OR5D13: variants seen among roughly 807,000 people sequenced by gnomAD.
OR5D13 encodes olfactory receptor family 5 subfamily D member 13.
For synonymous variants in OR5D13, 192 were observed against 134.3 expected, an observed-to-expected ratio of 1.43 and a Z score of -2.97; for missense variants, 470 against 372.1, an observed-to-expected ratio of 1.26 and a Z score of -2.16.
Position 55,773,753 on chromosome 11 carries a change from G to A in OR5D13, c.316G>A (p.Ala106Thr). Residue 106 changes from alanine (A) to threonine (T), a missense_variant, in exon 1 of 1, where the codon GCT becomes ACT. Ala to Thr is a moderately conservative substitution (Grantham distance 58). Transcript: ENST00000623930. ...TGGTTGCATCATGCAATTTTGTTTTGCTTGCATTTTTGGAGTGACAGAAAC... is the reference window on the plus strand; with the variant it reads ...TGGTTGCATCATGCAATTTTGTTTTACTTGCATTTTTGGAGTGACAGAAAC... ...FSGCIMQFCF[A>T]CIFGVTETFM... The A allele has an allele frequency of 6.2e-7, 1 of 1,613,896 alleles. No homozygotes were observed. The highest frequency in any genetic ancestry group is 8.5e-7 in the Non-Finnish European group (1 of 1,179,992).
Position 55,773,887 on chromosome 11 carries a change from C to A in OR5D13, c.450C>A (p.Ser150=). 1 of 1,613,662 alleles carries A rather than the reference C, an allele frequency of 6.2e-7. No individual in the cohort carries two copies. Among genetic ancestry groups the A allele is most frequent in the Non-Finnish European group, 8.5e-7 (1 of 1,179,832 alleles). Residue 150 remains serine, a synonymous_variant, in exon 1 of 1, where the codon TCC becomes TCA. Coordinates refer to ENST00000623930, the MANE Select transcript of OR5D13 (RefSeq NM_001001967.1). ...TCTGTGCTCTTCTGGTGGCTGGGTC[C>A]TATACATGGGGGATAGTGTGCTCCC... ...QKLCALLVAG[S]YTWGIVCSLI...
chr11:55,774,280 A>G lies in OR5D13; in HGVS notation c.843A>G (p.Thr281=). ...LIVTVASVFY[T]VAIPMLNPLI... ...TTACAGTGGCTTCTGTGTTTTACACAGTGGCGATTCCAATGCTGAACCCAT... is the reference window on the plus strand; with the variant it reads ...TTACAGTGGCTTCTGTGTTTTACACGGTGGCGATTCCAATGCTGAACCCAT... The change falls in exon 1 of 1, where the codon ACA becomes ACG. Residue 281 remains threonine (T), a synonymous_variant. Coordinates refer to ENST00000623930, the MANE Select transcript of OR5D13 (RefSeq NM_001001967.1). The G allele has an allele frequency of 6.2e-7, 1 of 1,613,606 alleles. No individual in the cohort carries two copies. The highest frequency in any genetic ancestry group is 8.5e-7 in the Non-Finnish European group (1 of 1,179,866).
Position 55,773,818 on chromosome 11 carries a change from A to G in OR5D13, c.381A>G (p.Ala127=). 1 of 1,613,918 alleles carries G rather than the reference A, an allele frequency of 6.2e-7. No individual in the cohort carries two copies. Among genetic ancestry groups the G allele is most frequent in the South Asian group, 1.1e-5 (1 of 91,078 alleles). Residue 127 remains alanine (A), a synonymous_variant, in exon 1 of 1, where the codon GCA becomes GCG. Transcript: ENST00000623930. ...CGATGGCTTATGACCGTTTTGTGGCAGTTTGTAAACCCTTGCTGTATACCA... is the reference window on the plus strand; with the variant it reads ...CGATGGCTTATGACCGTTTTGTGGCGGTTTGTAAACCCTTGCTGTATACCA... ...LAAMAYDRFV[A]VCKPLLYTTI...
chr11:55,773,531 G>T lies in OR5D13; in HGVS notation c.94G>T (p.Val32Phe), dbSNP rs1237426129. The T allele has an allele frequency of 6.2e-6, 10 of 1,613,302 alleles. No individual in the cohort carries two copies. Among genetic ancestry groups the T allele is most frequent in the Non-Finnish European group, 8.5e-6 (10 of 1,179,670 alleles). ...AGAAATCCAGGTTCCACTCTTTCTG[G>T]TTTTCTTGTTCGTCTACACAGTCAC... The part of the protein sequence containing the change: ...YPEIQVPLFL[V>F]FLFVYTVTVV... The change falls in exon 1 of 1, where the codon GTT becomes TTT. Residue 32 changes from valine to phenylalanine, a missense_variant. Val to Phe is a conservative substitution (Grantham distance 50). Transcript: ENST00000623930.
rs1853288246 is a variant in OR5D13 at position 55,773,991 on chromosome 11, T to C, written c.554T>C (p.Val185Ala). The change falls in exon 1 of 1, where the codon GTA becomes GCA. Residue 185 changes from valine (V) to alanine (A), a missense_variant. Transcript: ENST00000623930. ...AATAATTTTATCTGTGACCACTCTG[T>C]AATTGTTTCTGCCTCCTACTCAGAC... ...FINNFICDHSVIVSASYSDPY... is the reference protein window; with the variant it reads ...FINNFICDHSAIVSASYSDPY... 6.2e-7 allele frequency: 1 copy of C among 1,613,538 alleles called. No individual in the cohort carries two copies. Among genetic ancestry groups the C allele is most frequent in the Non-Finnish European group, 8.5e-7 (1 of 1,179,766 alleles).
chr11:55,773,538 T>A lies in OR5D13; in HGVS notation c.101T>A (p.Leu34Ter), dbSNP rs11230980. Residue 34 changes from leucine to a stop codon, truncating the protein, a stop_gained, in exon 1 of 1, where the codon TTG becomes TAG. Transcript: ENST00000623930. LOFTEE classifies it low-confidence loss of function (END_TRUNC). Reference sequence around the variant, plus strand: ...CAGGTTCCACTCTTTCTGGTTTTCTTGTTCGTCTACACAGTCACTGTAGTG... The same window carrying A: ...CAGGTTCCACTCTTTCTGGTTTTCTAGTTCGTCTACACAGTCACTGTAGTG... ...EIQVPLFLVFLFVYTVTVVGN... is the reference protein window; with the variant it reads ...EIQVPLFLVF The A allele has an allele frequency of 8.7e-6, 14 of 1,613,424 alleles. No individual in the cohort carries two copies. The East Asian group carries it at 2.2e-4, about 26-fold the overall frequency.
chr11:55,773,830 C>A lies in OR5D13; in HGVS notation c.393C>A (p.Pro131=), dbSNP rs1427968132. ...ACCGTTTTGTGGCAGTTTGTAAACCCTTGCTGTATACCACTATTATGTCTC... is the reference window on the plus strand; with the variant it reads ...ACCGTTTTGTGGCAGTTTGTAAACCATTGCTGTATACCACTATTATGTCTC... ...AYDRFVAVCK[P]LLYTTIMSQK... is the part of the protein sequence containing the mutation. The change falls in exon 1 of 1, where the codon CCC becomes CCA. Residue 131 remains proline, a synonymous_variant. Transcript: ENST00000623930. 2 of 1,613,850 alleles carry A rather than the reference C, an allele frequency of 1.2e-6. No homozygotes were observed. The highest frequency in any genetic ancestry group is 2.7e-5 in the African/African-American group (2 of 74,874).
At position 55,774,364 on chromosome 11, in the gene OR5D13, C is replaced by A; in HGVS notation, c.927C>A (p.Thr309=). 6.4e-7 allele frequency: 1 copy of A among 1,561,390 alleles called. No homozygotes were observed. The highest frequency in any genetic ancestry group is 8.7e-7 in the Non-Finnish European group (1 of 1,155,890). The change falls in exon 1 of 1, where the codon ACC becomes ACA. Residue 309 remains threonine (T), a synonymous_variant. Coordinates refer to ENST00000623930, the MANE Select transcript of OR5D13 (RefSeq NM_001001967.1). The stretch of plus-strand genomic sequence containing the variant: ...ACATGTTTGAAAAATTAGTTGTCAC[C>A]AAATTGATTTACCACTGAATATGAT... ...INNMFEKLVV[T]KLIYH
In OR5D13 at chr11:55,774,040, C is replaced by T. The variant is rs1853289649; in HGVS notation, c.603C>T (p.Cys201=). 3 of 1,613,342 alleles carry T rather than the reference C, an allele frequency of 1.9e-6. No individual in the cohort carries two copies. Among genetic ancestry groups the T allele is most frequent in the African/African-American group, 2.7e-5 (2 of 74,714 alleles). The change falls in exon 1 of 1, where the codon TGC becomes TGT. Residue 201 remains cysteine (C), a synonymous_variant. Coordinates refer to ENST00000623930, the MANE Select transcript of OR5D13 (RefSeq NM_001001967.1). ...YSDPYISQRL[C]FIIAIFNEVS... is the part of the protein sequence containing the mutation. Reference sequence around the variant, plus strand: ...ACCCCTATATCAGCCAGAGGCTATGCTTTATTATTGCCATATTCAATGAGG... The same window carrying T: ...ACCCCTATATCAGCCAGAGGCTATGTTTTATTATTGCCATATTCAATGAGG...
Position 55,773,584 on chromosome 11 carries a change from A to T in OR5D13, c.147A>T (p.Ile49=). The change falls in exon 1 of 1, where the codon ATA becomes ATT. Residue 49 remains isoleucine (I), a synonymous_variant. Transcript: ENST00000623930. The part of the protein sequence containing the change: ...VTVVGNLGMI[I]IIRLNSKLHT... ...TAGTGGGGAACTTGGGCATGATAAT[A>T]ATCATCAGACTCAATTCAAAACTCC... is the stretch of plus-strand genomic sequence containing the variant. 6.2e-7 allele frequency: 1 copy of T among 1,613,224 alleles called. No individual in the cohort carries two copies. Among genetic ancestry groups the T allele is most frequent in the Non-Finnish European group, 8.5e-7 (1 of 1,179,518 alleles).
rs1853286470 is a variant in OR5D13 at position 55,773,892 on chromosome 11, C to T, written c.455C>T (p.Thr152Ile). The T allele has an allele frequency of 4.3e-6, 7 of 1,613,546 alleles. No homozygotes were observed. Among genetic ancestry groups the T allele is most frequent in the Non-Finnish European group, 5.9e-6 (7 of 1,179,694 alleles). ...LCALLVAGSY[T>I]WGIVCSLILT... ...GCTCTTCTGGTGGCTGGGTCCTATACATGGGGGATAGTGTGCTCCCTGATA... is the reference window on the plus strand; with the variant it reads ...GCTCTTCTGGTGGCTGGGTCCTATATATGGGGGATAGTGTGCTCCCTGATA... Residue 152 changes from threonine (T) to isoleucine (I), a missense_variant, in exon 1 of 1, where the codon ACA becomes ATA. By Grantham distance (89) the Thr-to-Ile change is moderately conservative. Transcript: ENST00000623930.
At position 55,773,716 on chromosome 11, in the gene OR5D13, C is replaced by G. The variant is rs757839784; in HGVS notation, c.279C>G (p.Thr93=). 1 of 1,613,918 alleles carries G rather than the reference C, an allele frequency of 6.2e-7. No individual in the cohort carries two copies. The highest frequency in any genetic ancestry group is 1.1e-5 in the South Asian group (1 of 91,084). ...LLENLVVEYR[T]ISFSGCIMQF... ...AGAACTTGGTTGTGGAATACAGAACCATCTCTTTCTCTGGTTGCATCATGC... is the reference window on the plus strand; with the variant it reads ...AGAACTTGGTTGTGGAATACAGAACGATCTCTTTCTCTGGTTGCATCATGC... The change falls in exon 1 of 1, where the codon ACC becomes ACG. Residue 93 remains threonine (T), a synonymous_variant. Transcript: ENST00000623930.
chr11:55,773,494 T>C lies in OR5D13; in HGVS notation c.57T>C (p.Phe19=). Residue 19 remains phenylalanine, a synonymous_variant, in exon 1 of 1, where the codon TTT becomes TTC. Coordinates refer to ENST00000623930, the MANE Select transcript of OR5D13 (RefSeq NM_001001967.1). ...CACCCACTTTTATTCTCTTGGGTTT[T>C]TCAGAATACCCAGAAATCCAGGTTC... ...SSTPTFILLG[F]SEYPEIQVPL... The C allele has an allele frequency of 6.2e-7, 1 of 1,613,330 alleles. No homozygotes were observed. Among genetic ancestry groups the C allele is most frequent in the South Asian group, 1.1e-5 (1 of 90,958 alleles).
chr11:55,773,527 T>C lies in OR5D13; in HGVS notation c.90T>C (p.Phe30=), dbSNP rs749249815. The C allele has an allele frequency of 8.7e-5, 140 of 1,613,182 alleles. No homozygotes were observed. Among genetic ancestry groups the C allele is most frequent in the Non-Finnish European group, 1.1e-5 (13 of 1,179,494 alleles). The change falls in exon 1 of 1, where the codon TTT becomes TTC. Residue 30 remains phenylalanine, a synonymous_variant. Coordinates refer to ENST00000623930, the MANE Select transcript of OR5D13 (RefSeq NM_001001967.1). ...SEYPEIQVPL[F]LVFLFVYTVT... is the part of the protein sequence containing the mutation. ...ACCCAGAAATCCAGGTTCCACTCTT[T>C]CTGGTTTTCTTGTTCGTCTACACAG...
rs1232757936 is a variant in OR5D13, at chr11:55,773,533, T to A, written c.96T>A (p.Val32=). ...AAATCCAGGTTCCACTCTTTCTGGTTTTCTTGTTCGTCTACACAGTCACTG... is the reference window on the plus strand; with the variant it reads ...AAATCCAGGTTCCACTCTTTCTGGTATTCTTGTTCGTCTACACAGTCACTG... ...YPEIQVPLFL[V]FLFVYTVTVV... Residue 32 remains valine, a synonymous_variant, in exon 1 of 1, where the codon GTT becomes GTA. Coordinates refer to ENST00000623930, the MANE Select transcript of OR5D13 (RefSeq NM_001001967.1). The A allele has an allele frequency of 1.2e-6, 2 of 1,613,230 alleles. 1 individual carries two copies. The highest frequency in any genetic ancestry group is 2.7e-5 in the African/African-American group (2 of 74,720).
Position 55,774,246 on chromosome 11 carries a change from G to A in OR5D13, c.809G>A (p.Ser270Asn). The A allele has an allele frequency of 6.2e-7, 1 of 1,613,666 alleles. No individual in the cohort carries two copies. The highest frequency in any genetic ancestry group is 8.5e-7 in the Non-Finnish European group (1 of 1,179,918). ...LYCVPNPKTS[S>N]LIVTVASVFY... The stretch of plus-strand genomic sequence containing the variant: ...TGTGTTCCTAATCCTAAAACTTCTA[G>A]CCTCATAGTTACAGTGGCTTCTGTG... The change falls in exon 1 of 1, where the codon AGC becomes AAC. Residue 270 changes from serine to asparagine, a missense_variant. Physicochemically the swap from Ser to Asn is conservative, Grantham distance 46. Coordinates refer to ENST00000623930, the MANE Select transcript of OR5D13 (RefSeq NM_001001967.1).
In OR5D13 at chr11:55,774,275, T is replaced by C. The variant is rs150799318; in HGVS notation, c.838T>C (p.Tyr280His). The C allele has an allele frequency of 1.9e-6, 3 of 1,613,228 alleles. No individual in the cohort carries two copies. Among genetic ancestry groups the C allele is most frequent in the Non-Finnish European group, 2.5e-6 (3 of 1,179,480 alleles). ...CATAGTTACAGTGGCTTCTGTGTTTTACACAGTGGCGATTCCAATGCTGAA... is the reference window on the plus strand; with the variant it reads ...CATAGTTACAGTGGCTTCTGTGTTTCACACAGTGGCGATTCCAATGCTGAA... ...SLIVTVASVF[Y>H]TVAIPMLNPL... The change falls in exon 1 of 1, where the codon TAC (tyrosine) becomes CAC (histidine). Residue 280 changes from tyrosine to histidine, a missense_variant. Physicochemically the swap from Tyr to His is moderately conservative, Grantham distance 83. Transcript: ENST00000623930.
rs754018545 is a variant in OR5D13, at chr11:55,774,132, C to A, written c.695C>A (p.Ser232Tyr). The change falls in exon 1 of 1, where the codon TCT becomes TAT. Residue 232 changes from serine (S) to tyrosine (Y), a missense_variant. Ser to Tyr is a moderately radical substitution (Grantham distance 144, BLOSUM62 -2). Transcript: ENST00000623930. ...TTCACTACCATTATGAAGATGCGAT[C>A]TGCAAGTGGGCGCCAGAAAACTTTC... ...LIFTTIMKMRSASGRQKTFST... is the reference protein window; with the variant it reads ...LIFTTIMKMRYASGRQKTFST... 1 of 1,613,766 alleles carries A rather than the reference C, an allele frequency of 6.2e-7. No individual in the cohort carries two copies. The highest frequency in any genetic ancestry group is 1.1e-5 in the South Asian group (1 of 91,070).
At position 55,773,778 on chromosome 11, in the gene OR5D13, C is replaced by T. The variant is rs150275540; in HGVS notation, c.341C>T (p.Thr114Ile). The T allele has an allele frequency of 8.9e-5, 143 of 1,613,854 alleles. 1 individual carries two copies. Among genetic ancestry groups the T allele is most frequent in the Admixed American group, 6.0e-4 (36 of 59,954 alleles). Residue 114 changes from threonine to isoleucine, a missense_variant, in exon 1 of 1, where the codon ACT becomes ATT. Transcript: ENST00000623930. ...GCTTGCATTTTTGGAGTGACAGAAACTTTCATGTTAGCAGCGATGGCTTAT... is the reference window on the plus strand; with the variant it reads ...GCTTGCATTTTTGGAGTGACAGAAATTTTCATGTTAGCAGCGATGGCTTAT... The part of the protein sequence containing the change: ...CFACIFGVTE[T>I]FMLAAMAYDR...
Sources: gnomAD v4.1 joint callset for allele counts on GRCh38, gnomAD v4.1.1 for gene constraint, MANE v1.5 for transcripts, NCBI Gene and HGNC (gene_info 2026-07-23, HGNC 2026-07-21) for gene names.